SRXN1: variants seen among roughly 807,000 people sequenced by gnomAD.
SRXN1 encodes sulfiredoxin 1.
SRXN1 carries 11 observed loss-of-function variants against 11.0 expected under a neutral mutation model. The observed-to-expected ratio is 1.00, with a 90% confidence interval of 0.63 to 1.65. The LOEUF (loss-of-function observed/expected upper bound fraction) is 1.65, where lower values mean the gene tolerates loss of function less well. SRXN1 is among the 40% of genes most tolerant of loss of function. The pLI is 0.00. For synonymous variants in SRXN1, 106 were observed against 92.8 expected, an observed-to-expected ratio of 1.14 and a Z score of -0.82; for missense variants, 211 against 194.5, an observed-to-expected ratio of 1.08 and a Z score of -0.50.
chr20:653,078 GC>G lies in SRXN1; in HGVS notation c.107del (p.Gly36AlafsTer11). The G allele has an allele frequency of 1.3e-6, 2 of 1,502,308 alleles. No homozygotes were observed. The highest frequency in any genetic ancestry group is 2.5e-5 in the South Asian group (2 of 79,524). 93.1% of individuals were successfully genotyped at this position (1,502,308 alleles called of 1,614,324 possible). ...GCACGTTGTGCACCGCGGCGATGCG[GC>G]CCGAGTGGATGCTGCCGCCCTGCGC... is the stretch of plus-strand genomic sequence containing the variant. ...GGAQGGSIHS[G>X]RIAAVHNVPL... On this transcript the variant is annotated frameshift_variant, in exon 1 of 2. Transcript: ENST00000381962. LOFTEE classifies it high-confidence loss of function.
chr20:649,834 T>G (rs1222111563), intron 1 of SRXN1, among the ~76,000 whole-genome samples: 2 of 152,208 alleles, frequency 1.3e-5, no homozygotes, highest in Non-Finnish European at 2.9e-5. Context: ...AGTTGCCCCA[T>G]CTATCAAATT....
chr20:649,042 TGTTA>T, intron 1 of SRXN1, 125 bp from the exon 2 acceptor site: 3 of 1,010,110 alleles, frequency 3.0e-6, no homozygotes, highest in Non-Finnish European at 4.4e-6. Context: ...GAGAGACAAC[TGTTA>T]ATTATCAGGA....
intron 1 of SRXN1, 91 bp from the exon 2 acceptor site, chr20:649,008 A>C: frequency 7.3e-7 from 1 of 1,366,906 alleles, no homozygotes; most frequent in Non-Finnish European, 1.0e-6. Context: ...AGCTCCTTAT[A>C]AGGTGATCAC....
At position 651,078 on chromosome 20, in the gene SRXN1, G is replaced by A. The variant is rs181631509; in HGVS notation, c.210+1898C>T. On this transcript the variant is annotated intron_variant, in intron 1 of 1. Transcript: ENST00000381962. ...AGGTCAGAGTGATGCGATGTGAGAA[G>A]GCCTTGGCCTGATGTTGCTGGCTTT... 2.6e-5 allele frequency among the ~76,000 whole-genome samples: 4 copies of A among 152,356 alleles called. No individual in the cohort carries two copies. The East Asian group carries it at 5.8e-4, about 22-fold the overall frequency.
Position 653,187 on chromosome 20 carries a change from G to GTCGCCGCCGCCGCGGGAC in SRXN1, c.-3_-2insGTCCCGCGGCGGCGGCGA, listed in dbSNP as rs1351784338. The GTCGCCGCCGCCGCGGGAC allele has an allele frequency of 8.1e-6, 10 of 1,235,772 alleles. No individual in the cohort carries two copies. In the African/African-American group the frequency reaches 1.1e-4, roughly 14 times the overall value. The allele number at this position is 1,235,772 out of a possible 1,614,324, so 76.6% of individuals were successfully genotyped here. On this transcript the variant is annotated 5_prime_UTR_variant, in exon 1 of 2. Transcript: ENST00000381962. Reference sequence around the variant, plus strand: ...CGTTCCTCCTGCACGCAGCCCCATCGTCGCCGCCGCCGCGGGACTCGCCGC... The same window carrying GTCGCCGCCGCCGCGGGAC: ...CGTTCCTCCTGCACGCAGCCCCATCGTCGCCGCCGCCGCGGGACTCGCCGCCGCCGCGGGACTCGCCGC...
At chr20:651,343 G>A (rs561446082) in intron 1 of SRXN1, among the ~76,000 whole-genome samples, 1 of 152,278 alleles carries the variant, frequency 6.6e-6, no homozygotes, top group African/African-American at 2.4e-5. Context: ...GTAAGCAAAG[G>A]CAGAGCTGGT....
chr20:648,314 C>A lies in SRXN1; in HGVS notation c.*400G>T. ...AATCCATGCTATGTGGAAAAACAAT[C>A]TTCTGTTTGTTTAAACCACTGCAAT... On this transcript the variant is annotated 3_prime_UTR_variant, in exon 2 of 2. Transcript: ENST00000381962. 2.2e-6 allele frequency: 1 copy of A among 462,134 alleles called. No individual in the cohort carries two copies. The highest frequency in any genetic ancestry group is 1.5e-5 in the South Asian group (1 of 64,612). 28.6% of individuals were successfully genotyped at this position (462,134 alleles called of 1,614,324 possible).
chr20:652,658 A>G (rs1039210865), intron 1 of SRXN1, among the ~76,000 whole-genome samples: 1 of 151,676 alleles, frequency 6.6e-6, no homozygotes, highest in Non-Finnish European at 1.5e-5. Context: ...CTCGTCTGCA[A>G]AAGAGCCACT....
intron 1 of SRXN1, among the ~76,000 whole-genome samples, chr20:650,156 G>A (rs1352349509): frequency 6.6e-6 from 1 of 152,192 alleles, no homozygotes; most frequent in African/African-American, 2.4e-5. Flanking sequence ...GCCCTGGAGT[G>A]TTGGCAACAG....
rs1054038091 is a variant in SRXN1, at chr20:647,874, G to C, written c.*840C>G. The C allele has an allele frequency of 2.8e-6, 1 of 352,680 alleles. No individual in the cohort carries two copies. Among genetic ancestry groups the C allele is most frequent in the Admixed American group, 3.8e-5 (1 of 26,316 alleles). 21.8% of individuals were successfully genotyped at this position (352,680 alleles called of 1,614,324 possible). Reference sequence around the variant, plus strand: ...AATTCTGCATTTCTCTCTTGGTAATGGGATCCCAGTTTTATTGCAGGAGGC... The same window carrying C: ...AATTCTGCATTTCTCTCTTGGTAATCGGATCCCAGTTTTATTGCAGGAGGC... On this transcript the variant is annotated 3_prime_UTR_variant, in exon 2 of 2. Coordinates refer to ENST00000381962, the MANE Select transcript of SRXN1 (RefSeq NM_080725.3).
At chr20:651,221 T>G (rs1368832905) in intron 1 of SRXN1, among the ~76,000 whole-genome samples, 3 of 152,196 alleles carry the variant, frequency 2.0e-5, no homozygotes, top group Non-Finnish European at 4.4e-5. Context: ...CTGCTTGGTG[T>G]TAGCCCAGTA....
intron 1 of SRXN1, among the ~76,000 whole-genome samples, chr20:651,407 C>T (rs898609618): frequency 2.0e-5 from 3 of 152,196 alleles, no homozygotes; most frequent in Admixed American, 6.5e-5. Flanking sequence ...CTAGACAGGA[C>T]GTTAAAAGCC....
At chr20:652,249 A>C (rs1308863381) in intron 1 of SRXN1, among the ~76,000 whole-genome samples, 1 of 152,046 alleles carries the variant, frequency 6.6e-6, no homozygotes, top group Admixed American at 6.5e-5. Flanking sequence ...GTGGCTGTAG[A>C]GGTGCTGGGT....
chr20:648,693 C>A lies in SRXN1; in HGVS notation c.*21G>T. 1 of 1,613,428 alleles carries A rather than the reference C, an allele frequency of 6.2e-7. No homozygotes were observed. The highest frequency in any genetic ancestry group is 8.5e-7 in the Non-Finnish European group (1 of 1,179,464). On this transcript the variant is annotated 3_prime_UTR_variant, in exon 2 of 2. Coordinates refer to ENST00000381962, the MANE Select transcript of SRXN1 (RefSeq NM_080725.3). ...GTGTCTTCTGGGCTCTTGAAGGTGG[C>A]AGCAGGTGCCAAGGAGGCTGCTACT...
chr20:648,980 CTT>C, intron 1 of SRXN1, 63 bp from the exon 2 acceptor site: 10 of 1,560,802 alleles, frequency 6.4e-6, no homozygotes, highest in Non-Finnish European at 8.8e-6. Flanking sequence ...GTAAAGCAGA[CTT>C]TGTCCACTTG....
chr20:652,897 T>G lies in SRXN1; in HGVS notation c.210+79A>C, dbSNP rs377168167. ...CCGGAACCAGTCCGTCTCGCGTCCA[T>G]CGCAGCGACCTCCCTCCTCCGGCAA... On this transcript the variant is annotated intron_variant, in intron 1 of 1. Transcript: ENST00000381962. The G allele has an allele frequency of 3.8e-6, 5 of 1,306,634 alleles. No individual in the cohort carries two copies. The South Asian group carries it at 1.0e-4, about 27-fold the overall frequency. 80.9% of individuals were successfully genotyped at this position (1,306,634 alleles called of 1,614,324 possible).
intron 1 of SRXN1, among the ~76,000 whole-genome samples, chr20:652,307 G>A (rs1420054353): frequency 6.6e-6 from 1 of 152,120 alleles, no homozygotes; most frequent in African/African-American, 2.4e-5. Flanking sequence ...CGGGGGAAGG[G>A]GACACAACGT....
At chr20:649,641 G>T (rs1983623013) in intron 1 of SRXN1, among the ~76,000 whole-genome samples, 1 of 151,646 alleles carries the variant, frequency 6.6e-6, no homozygotes, top group Non-Finnish European at 1.5e-5. Context: ...GGCGGAGGTT[G>T]CAGTGAGCTG....
chr20:648,860 C>T lies in SRXN1; in HGVS notation c.268G>A (p.Gly90Ser), dbSNP rs768748440. Residue 90 changes from glycine (G) to serine (S), a missense_variant, in exon 2 of 2, where the codon GGT becomes AGT. Coordinates refer to ENST00000381962, the MANE Select transcript of SRXN1 (RefSeq NM_080725.3). ...CCCCCAAAGGAGTAGAAGTAGTCAC[C>T]TCCCTGGGCCCCTTTGATCCAGAGG... is the stretch of plus-strand genomic sequence containing the variant. ...DVLWIKGAQG[G>S]DYFYSFGGCH... is the part of the protein sequence containing the mutation. 6.8e-6 allele frequency: 11 copies of T among 1,614,090 alleles called. No homozygotes were observed. The highest frequency in any genetic ancestry group is 1.3e-5 in the African/African-American group (1 of 74,936).
Sources: allele counts gnomAD v4.1 joint callset (sites outside exome capture counted in the v4.1 genomes callset), GRCh38; gene constraint gnomAD v4.1.1; transcripts MANE v1.5; gene names NCBI Gene and HGNC (gene_info 2026-07-23, HGNC 2026-07-21).